The following R3HCC1L variants were observed in gnomAD, a reference collection of about 807,000 sequenced individuals.
R3HCC1L encodes the protein coiled-coil domain-containing protein R3HCC1L.
A neutral mutation model predicts 59.9 loss-of-function variants in R3HCC1L; 51 were observed. The observed-to-expected ratio is 0.85, with a 90% CI of 0.68 to 1.07. The LOEUF (loss-of-function observed/expected upper bound fraction) is 1.07, where lower values mean the gene tolerates loss of function less well. R3HCC1L is among the 50% of genes least tolerant of loss of function. The probability of loss-of-function intolerance (pLI) is 0.00; values close to 1 mark genes in which losing one functional copy is unlikely to be tolerated. For missense variants in R3HCC1L, 965 were observed against 933.0 expected, an observed-to-expected ratio of 1.03 and a Z score of -0.45; for synonymous variants, 322 against 315.2, an observed-to-expected ratio of 1.02 and a Z score of -0.23.
intron 5 of R3HCC1L, among the ~76,000 whole-genome samples, chr10:98,212,721 G>A (rs1490236334): frequency 6.6e-6 from 1 of 152,142 alleles, no homozygotes; most frequent in Non-Finnish European, 1.5e-5. Context: ...ACTGCCATCT[G>A]TACTGATCAT....
In R3HCC1L at chr10:98,150,706, T is replaced by A. The variant is rs150717608; in HGVS notation, c.-267-5387T>A. 5.2e-3 allele frequency among the ~76,000 whole-genome samples: 786 copies of A among 152,240 alleles called. 9 individuals carry two copies. Among genetic ancestry groups the A allele is most frequent in the African/African-American group, 0.018 (728 of 41,540 alleles). On this transcript the variant is annotated intron_variant, in intron 1 of 9. Transcript: ENST00000298999. ...GTTCATGCCCAGGTGACTTGTGGAA[T>A]GAACCTCCTACAGCGTGGTGCTGCT...
At chr10:98,172,495 G>T (rs1207651594) in intron 4 of R3HCC1L, among the ~76,000 whole-genome samples, 2 of 152,156 alleles carry the variant, frequency 1.3e-5, no homozygotes, top group African/African-American at 4.8e-5. Context: ...GCTTCTGACC[G>T]CTGAAATATG....
At chr10:98,224,573 G>T (rs942031005) in intron 5 of R3HCC1L, among the ~76,000 whole-genome samples, 2 of 152,128 alleles carry the variant, frequency 1.3e-5, no homozygotes, top group Non-Finnish European at 2.9e-5. Context: ...GAATGGTTTT[G>T]TGGAAGCTAG....
intron 1 of R3HCC1L, among the ~76,000 whole-genome samples, chr10:98,139,786 G>A (rs890845001): frequency 7.2e-5 from 11 of 151,852 alleles, no homozygotes; most frequent in African/African-American, 2.7e-4. Flanking sequence ...CTAGCCTTCT[G>A]TATAGTTTTT....
At chr10:98,217,708 A>G (rs1278509166) in intron 5 of R3HCC1L, among the ~76,000 whole-genome samples, 1 of 151,800 alleles carries the variant, frequency 6.6e-6, no homozygotes, top group African/African-American at 2.4e-5. Context: ...AGTGTTTTAT[A>G]GTTTTCCTGG....
chr10:98,207,786 C>A (rs1349269409), intron 4 of R3HCC1L, among the ~76,000 whole-genome samples: 1 of 151,810 alleles, frequency 6.6e-6, no homozygotes, highest in African/African-American at 2.4e-5. Context: ...GGGTAGATTG[C>A]CTTAAGCTCA....
At chr10:98,174,837 G>A in intron 4 of R3HCC1L, 1 of 916,198 alleles carries the variant, frequency 1.1e-6, no homozygotes, top group South Asian at 5.0e-5. Flanking sequence ...AGAAAAAAAT[G>A]TATTTTAGAA....
intron 4 of R3HCC1L, among the ~76,000 whole-genome samples, chr10:98,188,749 C>T (rs576511617): frequency 3.2e-4 from 49 of 152,266 alleles, no homozygotes; most frequent in African/African-American, 1.1e-3. Context: ...ACTAACCACA[C>T]TGATATAGTC....
At chr10:98,198,438 C>G (rs1851691462) in intron 4 of R3HCC1L, among the ~76,000 whole-genome samples, 1 of 151,692 alleles carries the variant, frequency 6.6e-6, no homozygotes, top group African/African-American at 2.4e-5. Flanking sequence ...AGAAAGAATA[C>G]TCTTGATAGT....
At chr10:98,177,870 A>G (rs1849200424) in intron 4 of R3HCC1L, among the ~76,000 whole-genome samples, 1 of 151,960 alleles carries the variant, frequency 6.6e-6, no homozygotes, top group South Asian at 2.1e-4. Context: ...CCACTTTTTG[A>G]TGGGGTTGTT....
At chr10:98,168,441 G>A (rs9420720) in intron 4 of R3HCC1L, among the ~76,000 whole-genome samples, 48,689 of 151,952 alleles carry the variant, frequency 0.32, 7,981 homozygotes, top group East Asian at 0.48. Context: ...TATAAAATAA[G>A]CTGGGGGCAT....
At chr10:98,178,005 T>G (rs1050891048) in intron 4 of R3HCC1L, among the ~76,000 whole-genome samples, 13 of 152,340 alleles carry the variant, frequency 8.5e-5, no homozygotes, top group Admixed American at 2.6e-4. Flanking sequence ...TTCTGTAGGT[T>G]GCCTGTTCAC....
intron 4 of R3HCC1L, among the ~76,000 whole-genome samples, chr10:98,206,755 C>G (rs1440123405): frequency 6.6e-6 from 1 of 152,098 alleles, no homozygotes; most frequent in East Asian, 1.9e-4. Flanking sequence ...TCTCTGGTAT[C>G]CCTTTCTATG....
Position 98,209,788 on chromosome 10 carries a change from A to ACC in R3HCC1L, c.1675_1676dup (p.Lys560GlnfsTer111). 6.2e-7 allele frequency: 1 copy of ACC among 1,613,926 alleles called. No homozygotes were observed. Among genetic ancestry groups the ACC allele is most frequent in the Non-Finnish European group, 8.5e-7 (1 of 1,179,850 alleles). ...CATCATCTATGGAAACATCCATCGA[A>ACC]CCAAAAGCAACTGAAACTTCTCACA... On this transcript the variant is annotated frameshift_variant, in exon 5 of 10. Transcript: ENST00000298999. LOFTEE classifies it high-confidence loss of function.
intron 4 of R3HCC1L, among the ~76,000 whole-genome samples, chr10:98,189,951 T>C (rs1041895484): frequency 6.6e-6 from 1 of 152,244 alleles, no homozygotes; most frequent in African/African-American, 2.4e-5. Flanking sequence ...AGTTGACCCT[T>C]AGTATCCCTG....
chr10:98,141,008 A>G (rs1335360645), intron 1 of R3HCC1L, among the ~76,000 whole-genome samples: 2 of 151,778 alleles, frequency 1.3e-5, no homozygotes, highest in Non-Finnish European at 2.9e-5. Context: ...TGAGGCCCAC[A>G]TTTTTCATGT....
intron 4 of R3HCC1L, among the ~76,000 whole-genome samples, chr10:98,173,948 C>G (rs1257307601): frequency 6.6e-6 from 1 of 152,106 alleles, no homozygotes; most frequent in Non-Finnish European, 1.5e-5. Context: ...GTGTATGTTG[C>G]TTTTTAAGAA....
rs1847623209 is a variant in R3HCC1L, at chr10:98,163,274, T to C, written c.-119-19T>C. ...ACTGTGTATTTTTATAAAAATAACT[T>C]ATTATTACTATTTTTCAGGTGAGGC... On this transcript the variant is annotated intron_variant, in intron 3 of 9. Coordinates refer to ENST00000298999, the MANE Select transcript of R3HCC1L (RefSeq NM_001351015.2). 2.0e-6 allele frequency: 1 copy of C among 495,750 alleles called. No individual in the cohort carries two copies. The highest frequency in any genetic ancestry group is 3.4e-6 in the Non-Finnish European group (1 of 293,128). 30.7% of individuals were successfully genotyped at this position (495,750 alleles called of 1,614,324 possible).
chr10:98,229,575 T>C (rs1013983184), intron 5 of R3HCC1L, among the ~76,000 whole-genome samples: 1 of 152,168 alleles, frequency 6.6e-6, no homozygotes, highest in African/African-American at 2.4e-5. Flanking sequence ...CCTTTATTTC[T>C]TTCTCCTGCC....
Sources: allele counts gnomAD v4.1 joint callset (sites outside exome capture counted in the v4.1 genomes callset), GRCh38; gene constraint gnomAD v4.1.1; transcripts MANE v1.5; gene names NCBI Gene and HGNC (gene_info 2026-07-23, HGNC 2026-07-21).